BCAS3: variants seen among roughly 807,000 people sequenced by gnomAD.
BCAS3 encodes the protein BCAS3 microtubule associated cell migration factor.
BCAS3 carries 53 observed loss-of-function variants against 116.1 expected under a neutral mutation model. The observed-to-expected ratio is 0.46, with a 90% CI of 0.37 to 0.57. BCAS3 has a LOEUF of 0.57. BCAS3 is among the 20% of genes least tolerant of loss of function. BCAS3 has a pLI of 0.00. For missense variants in BCAS3, 917 were observed against 1,165.4 expected, an observed-to-expected ratio of 0.79 and a Z score of 3.10; for synonymous variants, 391 against 408.2, an observed-to-expected ratio of 0.96 and a Z score of 0.51.
intron 19 of BCAS3, among the ~76,000 whole-genome samples, chr17:61,048,102 T>G (rs1332896219): frequency 6.6e-6 from 1 of 152,032 alleles, no homozygotes; most frequent in African/African-American, 2.4e-5. Flanking sequence ...CTTCTAACTT[T>G]AAAAGGAATA....
At chr17:60,980,018 G>A in intron 14 of BCAS3, among the ~76,000 whole-genome samples, 1 of 152,018 alleles carries the variant, frequency 6.6e-6, no homozygotes, top group Non-Finnish European at 1.5e-5. Flanking sequence ...CATAAAATGA[G>A]TTAGGGAGGA....
chr17:60,702,335 G>C (rs1044026906), intron 4 of BCAS3, among the ~76,000 whole-genome samples: 4 of 152,156 alleles, frequency 2.6e-5, no homozygotes, highest in Non-Finnish European at 4.4e-5. Context: ...AAAGTAAAAA[G>C]TGATCTCTTT....
chr17:60,738,981 A>G lies in BCAS3; in HGVS notation c.322-8217A>G, dbSNP rs139297192. 1.2e-4 allele frequency among the ~76,000 whole-genome samples: 18 copies of G among 151,948 alleles called. No homozygotes were observed. In the East Asian group the frequency reaches 2.9e-3, roughly 25 times the overall value. On this transcript the variant is annotated intron_variant, in intron 5 of 23. Coordinates refer to ENST00000407086, the MANE Select transcript of BCAS3 (RefSeq NM_017679.5). ...ATACTTTTGCTGCTTTTTTAGTTTGAGCATTTTATATGATGTTGTTTCTTA... is the reference window on the plus strand; with the variant it reads ...ATACTTTTGCTGCTTTTTTAGTTTGGGCATTTTATATGATGTTGTTTCTTA...
intron 6 of BCAS3, among the ~76,000 whole-genome samples, chr17:60,789,685 G>C (rs1414833276): frequency 6.6e-6 from 1 of 152,070 alleles, no homozygotes; most frequent in Non-Finnish European, 1.5e-5. Flanking sequence ...TATTGTACAT[G>C]CAAATAAACA....
At chr17:61,160,100 T>TG (rs2078082503) in intron 22 of BCAS3, among the ~76,000 whole-genome samples, 1 of 151,716 alleles carries the variant, frequency 6.6e-6, no homozygotes, top group Admixed American at 6.6e-5. Context: ...AATCTTTATA[T>TG]GCTACTAGAT....
chr17:60,810,690 C>A, intron 7 of BCAS3: 1 of 666,984 alleles, frequency 1.5e-6, no homozygotes. Flanking sequence ...TGGCCATGCC[C>A]TAGTCTGTGG....
Position 61,144,232 on chromosome 17 carries a change from A to G in BCAS3, c.2425+59668A>G, listed in dbSNP as rs1601556324. Among the ~76,000 whole-genome samples the G allele has an allele frequency of 5.3e-5, 8 of 152,046 alleles. No homozygotes were observed. Among genetic ancestry groups the G allele is most frequent in the Admixed American group, 4.6e-4 (7 of 15,258 alleles). On this transcript the variant is annotated intron_variant, in intron 22 of 23. Coordinates refer to ENST00000407086, the MANE Select transcript of BCAS3 (RefSeq NM_017679.5). This position sits in a 1 kb window ranked among gnomAD's most constrained non-coding sequence, Gnocchi z 5.0. ...GGATTTTTTTTTTAAGGAGGGTTAT[A>G]GTATCCTGAAGACTTCATTTCTTTC...
intron 22 of BCAS3, among the ~76,000 whole-genome samples, chr17:61,318,646 G>A (rs1490751261): frequency 6.6e-6 from 1 of 152,178 alleles, no homozygotes. Flanking sequence ...CTTGTGTTGG[G>A]GTTTCTGAAG....
intron 22 of BCAS3, among the ~76,000 whole-genome samples, chr17:61,163,446 GT>G (rs2078290753): frequency 7.6e-6 from 1 of 131,234 alleles, no homozygotes; most frequent in South Asian, 2.6e-4. Flanking sequence ...AAAAAAAAAA[GT>G]TTTTTTCTAT....
intron 14 of BCAS3, among the ~76,000 whole-genome samples, chr17:60,972,263 A>G (rs563998156): frequency 4.6e-5 from 7 of 152,282 alleles, no homozygotes; most frequent in Admixed American, 3.9e-4. Context: ...CCACCATTTT[A>G]TATCCCATTC....
chr17:61,216,613 G>A (rs1032406545), intron 22 of BCAS3, among the ~76,000 whole-genome samples: 3 of 151,292 alleles, frequency 2.0e-5, no homozygotes, highest in Admixed American at 2.0e-4. Flanking sequence ...TGGCAATCTC[G>A]GCTCACTGCA....
intron 14 of BCAS3, among the ~76,000 whole-genome samples, chr17:60,978,707 A>G (rs1241723586): frequency 6.6e-6 from 1 of 152,062 alleles, no homozygotes; most frequent in Non-Finnish European, 1.5e-5. Flanking sequence ...ATCCAGTTTC[A>G]GCTTTCTACA....
Position 61,224,342 on chromosome 17 carries a change from TTTCCTCTTGAAG to T in BCAS3, c.2425+139782_2425+139793del, listed in dbSNP as rs2082267548. On this transcript the variant is annotated intron_variant, in intron 22 of 23. Coordinates refer to ENST00000407086, the MANE Select transcript of BCAS3 (RefSeq NM_017679.5). The surrounding 1 kb of genome is among the most constrained non-coding windows in gnomAD (Gnocchi z 5.7). ...AACATTCAAAGGAAAGGGAAATCAGTTTCCTCTTGAAGTTCAGGAGAGATTTCATGGAAGAGG... is the reference window on the plus strand; with the variant it reads ...AACATTCAAAGGAAAGGGAAATCAGTTTCAGGAGAGATTTCATGGAAGAGG... 6.6e-6 allele frequency among the ~76,000 whole-genome samples: 1 copy of T among 152,172 alleles called. No homozygotes were observed. The highest frequency in any genetic ancestry group is 2.4e-5 in the African/African-American group (1 of 41,446).
At position 61,161,354 on chromosome 17, in the gene BCAS3, G is replaced by C. The variant is rs2078157943; in HGVS notation, c.2425+76790G>C. ...TTAAAGAGGTATTCTGGTTACATTT[G>C]GAATTTAGAAAAGGCCTGGGATGGA... is the stretch of plus-strand genomic sequence containing the variant. On this transcript the variant is annotated intron_variant, in intron 22 of 23. Transcript: ENST00000407086. This position sits in a 1 kb window ranked among gnomAD's most constrained non-coding sequence, Gnocchi z 4.8. Among the ~76,000 whole-genome samples the C allele has an allele frequency of 6.6e-6, 1 of 152,102 alleles. No homozygotes were observed. The highest frequency in any genetic ancestry group is 2.4e-5 in the African/African-American group (1 of 41,410).
At position 61,134,668 on chromosome 17, in the gene BCAS3, T is replaced by G. The variant is rs1601497697; in HGVS notation, c.2425+50104T>G. On this transcript the variant is annotated intron_variant, in intron 22 of 23. Coordinates refer to ENST00000407086, the MANE Select transcript of BCAS3 (RefSeq NM_017679.5). This position sits in a 1 kb window ranked among gnomAD's most constrained non-coding sequence, Gnocchi z 4.6. ...TCAAGTTAATGATAGCTAGCATTGA[T>G]GGAGCCTGTACTATATAATTATGTA... is the stretch of plus-strand genomic sequence containing the variant. 6.6e-6 allele frequency among the ~76,000 whole-genome samples: 1 copy of G among 152,368 alleles called. No individual in the cohort carries two copies. Among genetic ancestry groups the G allele is most frequent in the South Asian group, 2.1e-4 (1 of 4,828 alleles).
chr17:61,149,942 C>T (rs887895336), intron 22 of BCAS3, among the ~76,000 whole-genome samples: 4 of 152,180 alleles, frequency 2.6e-5, no homozygotes, highest in African/African-American at 4.8e-5. Context: ...ATTGCCAAAA[C>T]TGCTTGTGGA....
chr17:61,199,624 G>A lies in BCAS3; in HGVS notation c.2425+115060G>A, dbSNP rs999593772. On this transcript the variant is annotated intron_variant, in intron 22 of 23. Transcript: ENST00000407086. The surrounding 1 kb of genome is among the most constrained non-coding windows in gnomAD (Gnocchi z 4.6). ...CAAGTTATTCAAGAAATACTTGCAA[G>A]GTGGACAATGTTAACTTTGAACAGT... Among the ~76,000 whole-genome samples the A allele has an allele frequency of 1.3e-5, 2 of 152,160 alleles. No individual in the cohort carries two copies. Among genetic ancestry groups the A allele is most frequent in the Non-Finnish European group, 2.9e-5 (2 of 68,030 alleles).
At chr17:60,977,015 C>T (rs919554614) in intron 14 of BCAS3, among the ~76,000 whole-genome samples, 10 of 151,866 alleles carry the variant, frequency 6.6e-5, no homozygotes, top group South Asian at 4.2e-4. Flanking sequence ...ACGGGGCGGC[C>T]GGGCAGAGGC....
At chr17:61,050,032 C>T (rs940311657) in intron 19 of BCAS3, among the ~76,000 whole-genome samples, 30 of 152,020 alleles carry the variant, frequency 2.0e-4, no homozygotes, top group African/African-American at 7.2e-4. Context: ...TGCGCCCAGC[C>T]AGCAGATATC....
Sources: gnomAD v4.1 joint callset for allele counts (sites outside exome capture counted in the v4.1 genomes callset) on GRCh38, gnomAD v4.1.1 for gene constraint, Gnocchi (gnomAD v3.1) non-coding constraint, MANE v1.5 for transcripts, NCBI Gene and HGNC (gene_info 2026-07-23, HGNC 2026-07-21) for gene names.